The following PNPLA6 variants were observed in gnomAD, a reference collection of about 807,000 sequenced individuals.
PNPLA6 encodes patatin like domain 6, lysophospholipase, also known as patatin-like phospholipase domain-containing protein 6.
A neutral mutation model predicts 153.7 loss-of-function variants in PNPLA6; 105 were observed. That is an observed-to-expected ratio of 0.68 (90% confidence interval 0.58 to 0.80). PNPLA6 has a LOEUF of 0.80. Ranked by LOEUF, PNPLA6 falls within the 30% of genes least tolerant of loss-of-function variation. The probability of loss-of-function intolerance (pLI) is 0.00; values close to 1 mark genes in which losing one functional copy is unlikely to be tolerated. For synonymous variants in PNPLA6, 825 were observed against 822.2 expected (o/e 1.00, Z -0.06); for missense variants, 1,423 against 1,919.3 (o/e 0.74, Z 4.83).
At chr19:7,557,866 G>A (rs1470691326) in intron 27 of PNPLA6, among the ~76,000 whole-genome samples, 1 of 152,000 alleles carries the variant, frequency 6.6e-6, no homozygotes, top group Non-Finnish European at 1.5e-5. Flanking sequence ...ACGTACAAGA[G>A]GGACAGGTGC....
intron 13 of PNPLA6, among the ~76,000 whole-genome samples, chr19:7,548,343 C>G (rs1380381153): frequency 6.8e-6 from 1 of 147,824 alleles, no homozygotes. Context: ...GACACCGTCT[C>G]AAAACCAACA....
At chr19:7,547,824 T>TAAAA (rs1289780617) in intron 13 of PNPLA6, among the ~76,000 whole-genome samples, 830 of 44,288 alleles carry the variant, frequency 0.019, 89 homozygotes, top group African/African-American at 0.034. Flanking sequence ...TTTTTTTTTT[T>TAAAA]TTTTTTTTTT....
At chr19:7,539,299 G>A (rs931629526) in intron 3 of PNPLA6, among the ~76,000 whole-genome samples, 63 of 152,140 alleles carry the variant, frequency 4.1e-4, no homozygotes, top group African/African-American at 1.3e-3. Flanking sequence ...CCAACATGGG[G>A]AAACCTCATC....
rs1231480484 is a variant in PNPLA6, at chr19:7,550,343, G to A, written c.1860G>A (p.Thr620=). The A allele has an allele frequency of 2.5e-6, 4 of 1,612,436 alleles. No individual in the cohort carries two copies. Among genetic ancestry groups the A allele is most frequent in the East Asian group, 4.5e-5 (2 of 44,898 alleles). Residue 620 remains threonine (T), a synonymous_variant, in exon 15 of 32, where the codon ACG becomes ACA. Transcript: ENST00000600737. ...GTGTGGTGCTGAGTGCGGCGCACAC[G>A]GTGGCAGCCAGGATGTCGCCCTTCG... ...QPSVVLSAAH[T]VAARMSPFVR... is the part of the protein sequence containing the mutation.
intron 26 of PNPLA6, chr19:7,556,943 C>G: frequency 1.5e-6 from 1 of 687,404 alleles, no homozygotes; most frequent in Non-Finnish European, 2.6e-6. Flanking sequence ...GGACGCCTTA[C>G]CCCCCTCACG....
At position 7,535,792 on chromosome 19, in the gene PNPLA6, G is replaced by A. The variant is rs2022832141; in HGVS notation, c.4G>A (p.Gly2Arg). 1 of 1,535,766 alleles carries A rather than the reference G, an allele frequency of 6.5e-7. No homozygotes were observed. Among genetic ancestry groups the A allele is most frequent in the Non-Finnish European group, 8.7e-7 (1 of 1,146,080 alleles). The change falls in exon 1 of 32, where the codon GGG becomes AGG. Residue 2 changes from glycine to arginine, a missense_variant. Physicochemically the swap from Gly to Arg is moderately radical, Grantham distance 125. Transcript: ENST00000600737. This position sits in a 1 kb window ranked among gnomAD's most constrained non-coding sequence, Gnocchi z 5.0. M[G>R]TSSHGLATNS... ...GCAGCACTGGCCCATTCTGCAGATG[G>A]GGACATCGAGTCACGGGCTGGCTAC...
intron 27 of PNPLA6, 111 bp from the exon 28 acceptor site, chr19:7,558,739 C>CTCTT (rs1341218247): frequency 1.3e-6 from 1 of 788,594 alleles, no homozygotes; most frequent in Non-Finnish European, 2.1e-6. Flanking sequence ...TGGGTATTCT[C>CTCTT]TCTTTTTTTT....
rs879183456 is a variant in PNPLA6, at chr19:7,541,985, G to A, written c.1170G>A (p.Gly390=). ...AGCCTGAACATGTGTCTCCCCCAGGGGACCCTGTGAAGCCCACATCCCTGG... is the reference window on the plus strand; with the variant it reads ...AGCCTGAACATGTGTCTCCCCCAGGAGACCCTGTGAAGCCCACATCCCTGG... The part of the protein sequence containing the change: ...PTGAPLPGPT[G]DPVKPTSLET... The change falls in exon 10 of 32, where the codon GGG becomes GGA. Residue 390 remains glycine, a splice_region_variant and synonymous_variant. Coordinates refer to ENST00000600737, the MANE Select transcript of PNPLA6 (RefSeq NM_001166114.2). This position sits in a 1 kb window ranked among gnomAD's most constrained non-coding sequence, Gnocchi z 5.2. The A allele has an allele frequency of 6.2e-7, 1 of 1,607,790 alleles. No individual in the cohort carries two copies. The highest frequency in any genetic ancestry group is 1.3e-5 in the African/African-American group (1 of 74,902).
chr19:7,538,140 G>C (rs1195058684), intron 3 of PNPLA6, among the ~76,000 whole-genome samples: 1 of 152,050 alleles, frequency 6.6e-6, no homozygotes, highest in African/African-American at 2.4e-5. Context: ...GTTAGCCCAA[G>C]ATCTCCCTGA....
Position 7,543,016 on chromosome 19 carries a change from C to T in PNPLA6, c.1540C>T (p.Leu514Phe). 1 of 1,614,052 alleles carries T rather than the reference C, an allele frequency of 6.2e-7. No individual in the cohort carries two copies. The highest frequency in any genetic ancestry group is 8.5e-7 in the Non-Finnish European group (1 of 1,179,986). The change falls in exon 13 of 32, where the codon CTC (leucine) becomes TTC (phenylalanine). Residue 514 changes from leucine to phenylalanine, a missense_variant. Coordinates refer to ENST00000600737, the MANE Select transcript of PNPLA6 (RefSeq NM_001166114.2). ...AKLMRIEDPS[L>F]LNSRVLLHHA... Reference sequence around the variant, plus strand: ...CCCCCTACCTCCCCAGGACCCCTCCCTCCTGAACAGCAGAGTCTTGCTGCA... The same window carrying T: ...CCCCCTACCTCCCCAGGACCCCTCCTTCCTGAACAGCAGAGTCTTGCTGCA...
chr19:7,559,149 T>C lies in PNPLA6; in HGVS notation c.3697T>C (p.Tyr1233His), dbSNP rs1568423984. 6.2e-6 allele frequency: 10 copies of C among 1,613,814 alleles called. No homozygotes were observed. The highest frequency in any genetic ancestry group is 6.8e-6 in the Non-Finnish European group (8 of 1,179,838). The change falls in exon 28 of 32, where the codon TAT becomes CAT. Residue 1233 changes from tyrosine to histidine, a missense_variant and splice_region_variant. Tyr to His is a moderately conservative substitution (Grantham distance 83, BLOSUM62 2). Around this residue, in one of 10 missense-constraint regions of PNPLA6, gnomAD observed 643 missense variants for 835.2 expected, o/e 0.77. Transcript: ENST00000600737. ...TMDFGKFDQI[Y>H]DVGYQYGKAV... ...GGACTTTGGGAAGTTCGACCAGATC[T>C]ATGTGAGTGGGCAGGAGTGGCATGG... is the stretch of plus-strand genomic sequence containing the variant.
chr19:7,535,965 G>C lies in PNPLA6; in HGVS notation c.177G>C (p.Ala59=). The C allele has an allele frequency of 1.9e-6, 3 of 1,584,316 alleles. No homozygotes were observed. Among genetic ancestry groups the C allele is most frequent in the Non-Finnish European group, 2.6e-6 (3 of 1,168,038 alleles). ...GCGTGATGATCGGGGCCGGAGTGGC[G>C]GTGGTGGTCACGGCCGTGCTCATCC... ...VLGVMIGAGV[A]VVVTAVLILL... is the part of the protein sequence containing the mutation. The change falls in exon 1 of 32, where the codon GCG becomes GCC. Residue 59 remains alanine, a synonymous_variant. Coordinates refer to ENST00000600737, the MANE Select transcript of PNPLA6 (RefSeq NM_001166114.2). This position sits in a 1 kb window ranked among gnomAD's most constrained non-coding sequence, Gnocchi z 5.0.
upstream of PNPLA6, chr19:7,534,629 T>C (rs1167105168): frequency 6.5e-6 from 1 of 152,682 alleles, no homozygotes; most frequent in African/African-American, 2.4e-5. Context: ...ACCCCAGGAA[T>C]GTGCCCACCC....
chr19:7,560,837 C>A, intron 29 of PNPLA6, 73 bp downstream of exon 29: 2 of 1,067,466 alleles, frequency 1.9e-6, no homozygotes, highest in East Asian at 2.4e-5. Flanking sequence ...AAAGTCTCCC[C>A]GAAACCTCAG....
chr19:7,561,359 G>A, intron 31 of PNPLA6, 42 bp downstream of exon 31: 1 of 1,484,468 alleles, frequency 6.7e-7, no homozygotes, highest in Non-Finnish European at 9.3e-7. Context: ...TCCCCCAGAG[G>A]GTCATGAGTA....
Position 7,555,462 on chromosome 19 carries a change from G to T in PNPLA6, c.2936+95G>T, listed in dbSNP as rs1401102315. 1 of 1,338,730 alleles carries T rather than the reference G, an allele frequency of 7.5e-7. No homozygotes were observed. Among genetic ancestry groups the T allele is most frequent in the Non-Finnish European group, 1.0e-6 (1 of 967,078 alleles). The allele number at this position is 1,338,730 out of a possible 1,614,324, so 82.9% of individuals were successfully genotyped here. A position where few individuals can be genotyped will look rare whatever the true frequency, so the allele number is the denominator to read the frequency against. On this transcript the variant is annotated intron_variant, in intron 23 of 31. Coordinates refer to ENST00000600737, the MANE Select transcript of PNPLA6 (RefSeq NM_001166114.2). The surrounding 1 kb of genome is among the most constrained non-coding windows in gnomAD (Gnocchi z 6.3). ...GTGGGGGCGGGGCCTGGGTGTTCGAGGGTGGAGCTTCCCCTCCGGGAGAGA... is the reference window on the plus strand; with the variant it reads ...GTGGGGGCGGGGCCTGGGTGTTCGATGGTGGAGCTTCCCCTCCGGGAGAGA...
Position 7,541,373 on chromosome 19 carries a change from AG to A in PNPLA6, c.945del (p.Gln315HisfsTer14). 1 of 1,613,842 alleles carries A rather than the reference AG, an allele frequency of 6.2e-7. No homozygotes were observed. Among genetic ancestry groups the A allele is most frequent in the Non-Finnish European group, 8.5e-7 (1 of 1,179,926 alleles). On this transcript the variant is annotated frameshift_variant, in exon 8 of 32. Transcript: ENST00000600737. LOFTEE classifies it high-confidence loss of function. This position sits in a 1 kb window ranked among gnomAD's most constrained non-coding sequence, Gnocchi z 5.2. ...CTGCAGATCATCATGGTGCGGCTGC[AG>A]CGAGTCACCTTCCTGGCACTGCACA... ...RVVQIIMVRLQRVTFLALHNY... is the reference protein window; with the variant it reads ...RVVQIIMVRLXRVTFLALHNY...
At chr19:7,560,590 G>T in intron 28 of PNPLA6, 58 bp from the exon 29 acceptor site, 5 of 1,162,614 alleles carry the variant, frequency 4.3e-6, no homozygotes, top group Non-Finnish European at 6.5e-6. Context: ...TGGGCAGACA[G>T]AGTGGGGACA....
chr19:7,542,177 G>A (rs2023180226), intron 10 of PNPLA6, 110 bp downstream of exon 10: 2 of 811,926 alleles, frequency 2.5e-6, no homozygotes, highest in Non-Finnish European at 4.1e-6. Context: ...AACACTGCCA[G>A]TACTTCCCCA....
Sources: allele counts gnomAD v4.1 joint callset (sites outside exome capture counted in the v4.1 genomes callset), GRCh38; gene constraint gnomAD v4.1.1; regional missense constraint gnomAD v4.1.1; non-coding constraint Gnocchi (gnomAD v3.1); transcripts MANE v1.5; gene names NCBI Gene and HGNC (gene_info 2026-07-23, HGNC 2026-07-21).